Variants in CHMP3 observed in about 807,000 individuals in gnomAD.
CHMP3 encodes the protein 25.1 protein.
In CHMP3, 8 loss-of-function variants were observed where a neutral mutation model predicts 27.4. The observed-to-expected ratio is 0.29, with a 90% CI of 0.17 to 0.53. The LOEUF (loss-of-function observed/expected upper bound fraction) is 0.53. Among genes scored for constraint, CHMP3 ranks in the 20% least tolerant of loss-of-function variants. The pLI, the probability that CHMP3 is intolerant of heterozygous loss-of-function variation, is 0.96. For synonymous variants in CHMP3, 86 were observed against 85.5 expected (o/e 1.01, Z -0.03); for missense variants, 208 against 271.5 (o/e 0.77, Z 1.64).
At chr2:86,554,816 CGT>C (rs70956121) in intron 1 of CHMP3, among the ~76,000 whole-genome samples, 6,188 of 145,340 alleles carry the variant, frequency 0.043, 153 homozygotes, top group Middle Eastern at 0.077. Flanking sequence ...TGTGTGCGCG[CGT>C]GTGTGTGTGT....
At chr2:86,556,690 A>G (rs1296433683) in intron 1 of CHMP3, among the ~76,000 whole-genome samples, 1 of 152,168 alleles carries the variant, frequency 6.6e-6, no homozygotes, top group Non-Finnish European at 1.5e-5. Flanking sequence ...CATGTTAATT[A>G]CCCACAAGTG....
chr2:86,518,780 CTAGTTGAGAA>C (rs1675411758), intron 3 of CHMP3, among the ~76,000 whole-genome samples: 1 of 152,064 alleles, frequency 6.6e-6, no homozygotes, highest in Non-Finnish European at 1.5e-5. Context: ...AAAAATGCCC[CTAGTTGAGAA>C]TCAGTGGCGT....
At chr2:86,558,252 C>T (rs1038349943) in intron 1 of CHMP3, among the ~76,000 whole-genome samples, 1 of 152,172 alleles carries the variant, frequency 6.6e-6, no homozygotes, top group African/African-American at 2.4e-5. Flanking sequence ...GATTTTAAGG[C>T]ATCCTCATCC....
In CHMP3 at chr2:86,553,170, C is replaced by T. The variant is rs1676977372; in HGVS notation, c.45+10134G>A. ...TTACCTATGTAACAAACCGGCACAT[C>T]CTGCACATACACCCTTGAACTTAAA... On this transcript the variant is annotated intron_variant, in intron 1 of 5. Coordinates refer to ENST00000263856, the MANE Select transcript of CHMP3 (RefSeq NM_016079.4). 2.0e-5 allele frequency among the ~76,000 whole-genome samples: 3 copies of T among 151,432 alleles called. No individual in the cohort carries two copies. The South Asian group carries it at 6.2e-4, about 32-fold the overall frequency.
Position 86,505,765 on chromosome 2 carries a change from T to TA in CHMP3, c.*38_*39insT. 1 of 1,490,766 alleles carries TA rather than the reference T, an allele frequency of 6.7e-7. No individual in the cohort carries two copies. The highest frequency in any genetic ancestry group is 9.0e-7 in the Non-Finnish European group (1 of 1,113,522). 92.3% of individuals were successfully genotyped at this position (1,490,766 alleles called of 1,614,324 possible). A position where few individuals can be genotyped will look rare whatever the true frequency, so the allele number is the denominator to read the frequency against. On this transcript the variant is annotated 3_prime_UTR_variant, in exon 6 of 6. Coordinates refer to ENST00000263856, the MANE Select transcript of CHMP3 (RefSeq NM_016079.4). ...AAGAGACACATAAAATGGCAGCTCT[T>TA]GAGAGGAGTGTGTGCACACCCAGCG...
chr2:86,511,017 G>A (rs1675086509), intron 3 of CHMP3: 1 of 152,346 alleles, frequency 6.6e-6, no homozygotes, highest in South Asian at 2.1e-4. Flanking sequence ...AAAACCTTCT[G>A]TAGTCTGAGA....
chr2:86,507,504 G>A lies in CHMP3; in HGVS notation c.498C>T (p.Asp166=), dbSNP rs987107897. 6.2e-7 allele frequency: 1 copy of A among 1,614,162 alleles called. No individual in the cohort carries two copies. Among genetic ancestry groups the A allele is most frequent in the Non-Finnish European group, 8.5e-7 (1 of 1,180,014 alleles). ...EMEEEAEMEI[D]RILFEITAGA... ...CTGCTGTAATTTCAAAGAGAATTCT[G>A]TCAATTTCCATTTCTGCTTCTTCCT... Residue 166 remains aspartate, a synonymous_variant, in exon 5 of 6, where the codon GAC becomes GAT. Coordinates refer to ENST00000263856, the MANE Select transcript of CHMP3 (RefSeq NM_016079.4).
At position 86,505,604 on chromosome 2, in the gene CHMP3, T is replaced by C; in HGVS notation, c.*200A>G. On this transcript the variant is annotated 3_prime_UTR_variant, in exon 6 of 6. Coordinates refer to ENST00000263856, the MANE Select transcript of CHMP3 (RefSeq NM_016079.4). ...CACAATAAGATATATCTGTCTATAC[T>C]CCTAAAAATGATGCATTTATTTATG... 1 of 586,916 alleles carries C rather than the reference T, an allele frequency of 1.7e-6. No homozygotes were observed. The highest frequency in any genetic ancestry group is 2.6e-6 in the Non-Finnish European group (1 of 383,640). 36.4% of individuals were successfully genotyped at this position (586,916 alleles called of 1,614,324 possible).
At chr2:86,557,224 G>C (rs980084949) in intron 1 of CHMP3, among the ~76,000 whole-genome samples, 1 of 152,082 alleles carries the variant, frequency 6.6e-6, no homozygotes, top group Admixed American at 6.5e-5. Context: ...GCCATTCAGG[G>C]GGATGAACAG....
intron 2 of CHMP3, among the ~76,000 whole-genome samples, chr2:86,537,426 T>TAA (rs1676192432): frequency 6.6e-6 from 1 of 152,242 alleles, no homozygotes; most frequent in Admixed American, 6.5e-5. Context: ...CATCGATACT[T>TAA]GCTTTAAGTC....
At chr2:86,562,716 C>G (rs1360484285) in intron 1 of CHMP3, 2 of 152,274 alleles carry the variant, frequency 1.3e-5, no homozygotes, top group African/African-American at 4.8e-5. Context: ...AACGAGAGTT[C>G]GAAGCCGGGT....
Position 86,510,479 on chromosome 2 carries a change from G to T in CHMP3, c.287C>A (p.Ala96Glu). Reference protein sequence around the residue: ...SVLMGMKNQLAVLRVAGSLQK... With the variant: ...SVLMGMKNQLEVLRVAGSLQK... ...CAGGGAACCAGCCACTCGCAAGACC[G>T]CTGAAAGAGAATGTGTACAGTCAGG... The change falls in exon 4 of 6, where the codon GCG (alanine) becomes GAG (glutamate). Residue 96 changes from alanine (A) to glutamate (E), a missense_variant and splice_region_variant. Ala to Glu is a moderately radical substitution (Grantham distance 107). Transcript: ENST00000263856. 1 of 1,611,778 alleles carries T rather than the reference G, an allele frequency of 6.2e-7. No homozygotes were observed.
intron 2 of CHMP3, among the ~76,000 whole-genome samples, chr2:86,535,654 G>C (rs865998715): frequency 6.6e-6 from 1 of 151,828 alleles, no homozygotes; most frequent in African/African-American, 2.4e-5. Flanking sequence ...TTACAGGCGC[G>C]CACCACACGC....
rs1000832178 is a variant in CHMP3, at chr2:86,504,808, A to G, written c.*996T>C. 1 of 152,218 alleles carries G rather than the reference A, an allele frequency of 6.6e-6. No homozygotes were observed. Among genetic ancestry groups the G allele is most frequent in the African/African-American group, 2.4e-5 (1 of 41,464 alleles). 9.4% of individuals were successfully genotyped at this position (152,218 alleles called of 1,614,324 possible). A position where few individuals can be genotyped will look rare whatever the true frequency, so the allele number is the denominator to read the frequency against. ...ACCAGAGGATCTGGGTTTGAATCCC[A>G]TCTCTGATACTTCCCAAACTGAGCT... On this transcript the variant is annotated 3_prime_UTR_variant, in exon 6 of 6. Coordinates refer to ENST00000263856, the MANE Select transcript of CHMP3 (RefSeq NM_016079.4).
chr2:86,530,504 A>G (rs374564321), intron 2 of CHMP3, among the ~76,000 whole-genome samples: 3 of 152,304 alleles, frequency 2.0e-5, no homozygotes, highest in East Asian at 3.9e-4. Context: ...AGGTTCAAGC[A>G]TTTTGTAGCA....
chr2:86,549,393 A>G (rs1237849859), intron 1 of CHMP3, among the ~76,000 whole-genome samples: 105 of 51,284 alleles, frequency 2.0e-3, no homozygotes, highest in Admixed American at 3.1e-3. Context: ...GGGCAGAGGC[A>G]CTCCTCCCTT....
Position 86,503,890 on chromosome 2 carries a change from A to G in CHMP3, c.*1914T>C, listed in dbSNP as rs1250432175. 1 of 152,220 alleles carries G rather than the reference A, an allele frequency of 6.6e-6. No individual in the cohort carries two copies. The highest frequency in any genetic ancestry group is 1.5e-5 in the Non-Finnish European group (1 of 68,044). 9.4% of individuals were successfully genotyped at this position (152,220 alleles called of 1,614,324 possible). A position where few individuals can be genotyped will look rare whatever the true frequency, so the allele number is the denominator to read the frequency against. On this transcript the variant is annotated 3_prime_UTR_variant, in exon 6 of 6. Transcript: ENST00000263856. ...CCATGTTCTCACAAGTGGGAGTGAA[A>G]TAACATGGACACAAAGGAATAACAT...
intron 1 of CHMP3, among the ~76,000 whole-genome samples, chr2:86,546,257 G>A (rs1178431464): frequency 1.3e-5 from 2 of 151,814 alleles, no homozygotes; most frequent in East Asian, 2.0e-4. Flanking sequence ...CTAGGCACTC[G>A]GCAGGCCGGA....
chr2:86,541,754 A>G (rs1024138811), intron 2 of CHMP3, among the ~76,000 whole-genome samples: 1 of 152,138 alleles, frequency 6.6e-6, no homozygotes, highest in Non-Finnish European at 1.5e-5. Context: ...TTCCCTCTCC[A>G]ATTCTTTTTA....
Sources: allele counts gnomAD v4.1 joint callset (sites outside exome capture counted in the v4.1 genomes callset), GRCh38; gene constraint gnomAD v4.1.1; transcripts MANE v1.5; gene names NCBI Gene and HGNC (gene_info 2026-07-23, HGNC 2026-07-21).